The following DST variants were observed in gnomAD, a reference collection of about 807,000 sequenced individuals.
DST encodes the protein bullous pemphigoid antigen.
Under a neutral mutation model 875.2 loss-of-function variants are expected in DST, and 253 were observed. The ratio of observed to expected loss-of-function variants is 0.29; its 90% CI spans 0.26 to 0.32. The LOEUF (loss-of-function observed/expected upper bound fraction) is 0.32. Among genes scored for constraint, DST ranks in the 10% least tolerant of loss-of-function variants. The pLI, the probability that DST is intolerant of heterozygous loss-of-function variation, is 1.00. For missense variants in DST, 8,287 were observed against 9,111.6 expected (o/e 0.91, Z 3.68); for synonymous variants, 3,124 against 3,197.1 (o/e 0.98, Z 0.77).
rs1366278447 is a variant in DST, at chr6:56,632,039, C to T, written c.3807G>A (p.Glu1269=). ...YQELLKSAER[E]EQEESVYNLY... ...GATTATAAACTGATTCCTCTTGCTC[C>T]TCTGTGAAAATAAATATGTTTAGAA... is the stretch of plus-strand genomic sequence containing the variant. Residue 1269 remains glutamate (E), a splice_region_variant and synonymous_variant, in exon 29 of 104, where the codon GAG becomes GAA. Transcript: ENST00000680361. 3.1e-6 allele frequency: 5 copies of T among 1,610,182 alleles called. No individual in the cohort carries two copies. Among genetic ancestry groups the T allele is most frequent in the East Asian group, 2.2e-5 (1 of 44,832 alleles).
intron 2 of DST, among the ~76,000 whole-genome samples, chr6:56,915,496 T>G (rs1377763615): frequency 6.6e-6 from 1 of 151,606 alleles, no homozygotes; most frequent in East Asian, 1.9e-4. Context: ...GAAAGTCAAC[T>G]GAGATAGATG....
intron 10 of DST, among the ~76,000 whole-genome samples, chr6:56,661,536 T>C (rs1338638440): frequency 6.6e-6 from 1 of 151,548 alleles, no homozygotes; most frequent in Admixed American, 6.6e-5. Flanking sequence ...CCTAAATCTC[T>C]AGGAGAGTGA....
chr6:56,742,386 A>T lies in DST; in HGVS notation c.626-7097T>A, dbSNP rs1286394022. 3 of 1,282,644 alleles carry T rather than the reference A, an allele frequency of 2.3e-6. No homozygotes were observed. In the Admixed American group the frequency reaches 6.9e-5, roughly 29 times the overall value. 79.5% of individuals were successfully genotyped at this position (1,282,644 alleles called of 1,614,324 possible). On this transcript the variant is annotated intron_variant, in intron 4 of 103. Coordinates refer to ENST00000680361, the MANE Select transcript of DST (RefSeq NM_001374736.1). ...CAGTTCCCTAAACTCTCTCCGTACA[A>T]ACTCTGATGTGTCAGAGTCCTGTTA...
chr6:56,921,609 A>C (rs1458833704), intron 2 of DST, among the ~76,000 whole-genome samples: 5 of 152,230 alleles, frequency 3.3e-5, no homozygotes, highest in Non-Finnish European at 7.3e-5. Context: ...ATTTTTTAAA[A>C]TAATGAAGCA....
intron 2 of DST, among the ~76,000 whole-genome samples, chr6:56,919,605 T>A (rs548423051): frequency 6.6e-6 from 1 of 152,310 alleles, no homozygotes; most frequent in South Asian, 2.1e-4. Flanking sequence ...CTCTATTGAT[T>A]CCAAATGCCC....
chr6:56,869,250 A>G (rs1775794655), intron 3 of DST, among the ~76,000 whole-genome samples: 1 of 152,228 alleles, frequency 6.6e-6, no homozygotes, highest in Non-Finnish European at 1.5e-5. Context: ...GCTGTACAGT[A>G]GCTAAAAATG....
chr6:56,531,686 T>A (rs1287124514), intron 64 of DST, among the ~76,000 whole-genome samples: 1 of 152,166 alleles, frequency 6.6e-6, no homozygotes, highest in East Asian at 1.9e-4. Context: ...CTCTTCAATG[T>A]AGCTACTACT....
At chr6:56,572,690 G>A in intron 52 of DST, 57 bp downstream of exon 52, 1 of 1,315,590 alleles carries the variant, frequency 7.6e-7, no homozygotes, top group Non-Finnish European at 1.0e-6. Flanking sequence ...AAGTATATGA[G>A]TTTGCCCTAA....
intron 4 of DST, among the ~76,000 whole-genome samples, chr6:56,793,499 T>C (rs1235845860): frequency 6.6e-6 from 1 of 152,230 alleles, no homozygotes; most frequent in Non-Finnish European, 1.5e-5. Context: ...AAATAAAATG[T>C]TGTTCTCTTA....
chr6:56,853,425 A>G (rs1414358802), intron 3 of DST, among the ~76,000 whole-genome samples: 1 of 152,232 alleles, frequency 6.6e-6, no homozygotes, highest in East Asian at 1.9e-4. Context: ...CTGGCTCTGC[A>G]TAAAAGGGTG....
At chr6:56,759,024 A>G (rs550496753) in intron 4 of DST, among the ~76,000 whole-genome samples, 1 of 152,324 alleles carries the variant, frequency 6.6e-6, no homozygotes, top group East Asian at 1.9e-4. Flanking sequence ...CATGAAGCTG[A>G]GCTGCATTAT....
chr6:56,709,601 A>G (rs1227180503), intron 5 of DST, among the ~76,000 whole-genome samples: 1 of 152,190 alleles, frequency 6.6e-6, no homozygotes, highest in African/African-American at 2.4e-5. Context: ...ACTTATTACT[A>G]TTGTTTAGCT....
At chr6:56,716,037 A>G (rs1463274239) in intron 5 of DST, among the ~76,000 whole-genome samples, 1 of 152,230 alleles carries the variant, frequency 6.6e-6, no homozygotes, top group Non-Finnish European at 1.5e-5. Context: ...GTCTGTTGTC[A>G]GCATTTCAGC....
rs1248551636 is a variant in DST at position 56,606,416 on chromosome 6, A to G, written c.8212T>C (p.Ser2738Pro). ...ECTNILEGDE[S>P]DSLTDYDIVG... ...ATATCATAATCAGTCAATGAGTCAG[A>G]TTCATCACCTTCAAGGATATTTGTG... The change falls in exon 40 of 104, where the codon TCT (serine) becomes CCT (proline). Residue 2738 changes from serine to proline, a missense_variant. Transcript: ENST00000680361. 6.2e-7 allele frequency: 1 copy of G among 1,613,376 alleles called. No individual in the cohort carries two copies. Among genetic ancestry groups the G allele is most frequent in the South Asian group, 1.1e-5 (1 of 91,068 alleles).
intron 36 of DST, chr6:56,620,332 G>C (rs1428593379): frequency 1.2e-6 from 2 of 1,614,036 alleles, no homozygotes; most frequent in African/African-American, 2.7e-5. Context: ...AATTCAGGAG[G>C]TTCTCTTCCA....
intron 4 of DST, among the ~76,000 whole-genome samples, chr6:56,808,162 T>G (rs1444913981): frequency 6.6e-6 from 1 of 151,982 alleles, no homozygotes; most frequent in African/African-American, 2.4e-5. Context: ...GTCATCCAAG[T>G]AACACCCCAT....
In DST at chr6:56,714,705, C is replaced by G. The variant is rs979298110; in HGVS notation, c.688-10336G>C. Among the ~76,000 whole-genome samples, 5 of 152,180 alleles carry G rather than the reference C, an allele frequency of 3.3e-5. No individual in the cohort carries two copies. Among genetic ancestry groups the G allele is most frequent in the African/African-American group, 1.2e-4 (5 of 41,430 alleles). ...AGTGCCCTAACTAGAGCTTCATGTCCATTCCTGATGGCTAAGAGAGATTTT... is the reference window on the plus strand; with the variant it reads ...AGTGCCCTAACTAGAGCTTCATGTCGATTCCTGATGGCTAAGAGAGATTTT... On this transcript the variant is annotated intron_variant, in intron 5 of 103. Coordinates refer to ENST00000680361, the MANE Select transcript of DST (RefSeq NM_001374736.1). The surrounding 1 kb of genome is among the most constrained non-coding windows in gnomAD (Gnocchi z 4.5).
intron 49 of DST, among the ~76,000 whole-genome samples, chr6:56,583,712 G>C (rs2098079033): frequency 6.6e-6 from 1 of 152,128 alleles, no homozygotes; most frequent in Non-Finnish European, 1.5e-5. Context: ...TTTTCTTCTA[G>C]GGTTTTTATG....
intron 9 of DST, chr6:56,692,666 C>T (rs372460102): frequency 1.6e-6 from 2 of 1,289,786 alleles, no homozygotes; most frequent in South Asian, 1.2e-5. Context: ...GTGTTGACAT[C>T]ATCTAAATGT....
Sources: gnomAD v4.1 joint callset for allele counts (sites outside exome capture counted in the v4.1 genomes callset) on GRCh38, gnomAD v4.1.1 for gene constraint, Gnocchi (gnomAD v3.1) non-coding constraint, MANE v1.5 for transcripts, NCBI Gene and HGNC (gene_info 2026-07-23, HGNC 2026-07-21) for gene names.